Variants in GRK3 observed in about 807,000 individuals in gnomAD.
The protein encoded by GRK3 is adrenergic, beta, receptor kinase 2.
A neutral mutation model predicts 95.7 loss-of-function variants in GRK3; 54 were observed. That is an observed-to-expected ratio of 0.56 (90% CI 0.45 to 0.71). The LOEUF is 0.71. Among genes scored for constraint, GRK3 ranks in the 30% least tolerant of loss-of-function variants. The pLI, the probability that GRK3 is intolerant of heterozygous loss-of-function variation, is 0.00. For synonymous variants in GRK3, 281 were observed against 290.8 expected (o/e 0.97, Z 0.34); for missense variants, 649 against 851.2 (o/e 0.76, Z 2.96).
chr22:25,572,015 G>A (rs879273278), intron 1 of GRK3, among the ~76,000 whole-genome samples: 2 of 66,528 alleles, frequency 3.0e-5, no homozygotes, highest in East Asian at 4.7e-4. Flanking sequence ...CCTTCCCCCC[G>A]CCCCATGATA....
chr22:25,590,053 T>G (rs1224172298), intron 1 of GRK3, among the ~76,000 whole-genome samples: 1 of 152,176 alleles, frequency 6.6e-6, no homozygotes. Flanking sequence ...CAAGATGAGA[T>G]TTGGATGGGG....
At chr22:25,681,433 A>G (rs2085073252) in intron 9 of GRK3, among the ~76,000 whole-genome samples, 1 of 151,694 alleles carries the variant, frequency 6.6e-6, no homozygotes, top group Admixed American at 6.6e-5. Context: ...GAGCCAGTGC[A>G]CGTGGCTCCT....
intron 1 of GRK3, among the ~76,000 whole-genome samples, chr22:25,596,230 G>A (rs2084371644): frequency 6.6e-6 from 1 of 152,138 alleles, no homozygotes. Context: ...GTCGTGGGTA[G>A]GTAGGTGAAA....
chr22:25,657,909 C>A (rs1174355983), intron 3 of GRK3, among the ~76,000 whole-genome samples: 1 of 152,040 alleles, frequency 6.6e-6, no homozygotes, highest in Non-Finnish European at 1.5e-5. Flanking sequence ...AGATTGGATA[C>A]TTCCTGTGGA....
chr22:25,623,425 C>T (rs1369176336), intron 2 of GRK3, among the ~76,000 whole-genome samples: 3 of 152,208 alleles, frequency 2.0e-5, no homozygotes, highest in Non-Finnish European at 4.4e-5. Flanking sequence ...GCATCTGTCC[C>T]TTCCCACAAG....
chr22:25,593,393 C>A (rs1932566449), intron 1 of GRK3, among the ~76,000 whole-genome samples: 1 of 151,750 alleles, frequency 6.6e-6, no homozygotes, highest in Non-Finnish European at 1.5e-5. Context: ...TAAATAATAG[C>A]CATTTGCCTG....
chr22:25,685,102 G>A (rs2085102585), intron 9 of GRK3, 68 bp from the exon 10 acceptor site: 2 of 969,178 alleles, frequency 2.1e-6, no homozygotes, highest in South Asian at 2.7e-5. Context: ...GTAGCATGGT[G>A]TTTGGTGGTA....
At chr22:25,600,800 C>T (rs908011443) in intron 1 of GRK3, among the ~76,000 whole-genome samples, 7 of 151,978 alleles carry the variant, frequency 4.6e-5, no homozygotes, top group Admixed American at 6.6e-5. Flanking sequence ...AGATATAAAT[C>T]CTTAAAGGTA....
intron 1 of GRK3, among the ~76,000 whole-genome samples, chr22:25,587,145 C>A (rs546520391): frequency 6.6e-6 from 1 of 152,166 alleles, no homozygotes; most frequent in Non-Finnish European, 1.5e-5. Flanking sequence ...CCTGCCTCAG[C>A]CTCCCAAAGT....
intron 20 of GRK3, among the ~76,000 whole-genome samples, chr22:25,721,936 A>G (rs146286177): frequency 4.7e-4 from 71 of 152,346 alleles, no homozygotes; most frequent in African/African-American, 1.7e-3. Flanking sequence ...ATACATGAAT[A>G]TATATTTAAA....
intron 11 of GRK3, among the ~76,000 whole-genome samples, chr22:25,688,864 AG>A (rs766963861): frequency 1.1e-4 from 17 of 152,264 alleles, no homozygotes; most frequent in Non-Finnish European, 2.4e-4. Context: ...AATTGTAATA[AG>A]AAAAATGATG....
At chr22:25,650,918 A>G (rs1481236592) in intron 3 of GRK3, among the ~76,000 whole-genome samples, 1 of 152,116 alleles carries the variant, frequency 6.6e-6, no homozygotes, top group Non-Finnish European at 1.5e-5. Context: ...AATGGTGGTC[A>G]TTTTTTCCCC....
At chr22:25,577,647 T>C (rs1295036185) in intron 1 of GRK3, among the ~76,000 whole-genome samples, 1 of 152,226 alleles carries the variant, frequency 6.6e-6, no homozygotes, top group Non-Finnish European at 1.5e-5. Context: ...ACTTATGGCT[T>C]TTGCCTTCTT....
chr22:25,701,897 T>A (rs888741305), intron 13 of GRK3, among the ~76,000 whole-genome samples: 1 of 152,260 alleles, frequency 6.6e-6, no homozygotes, highest in African/African-American at 2.4e-5. Flanking sequence ...CTGTGCATTT[T>A]GTATAAAAGA....
At chr22:25,720,443 C>G (rs887173517) in intron 19 of GRK3, among the ~76,000 whole-genome samples, 2 of 146,354 alleles carry the variant, frequency 1.4e-5, no homozygotes, top group Non-Finnish European at 3.0e-5. Context: ...CTATAGCATT[C>G]ACTTTAAGGA....
chr22:25,612,850 TAAA>T (rs529309150), intron 2 of GRK3, among the ~76,000 whole-genome samples: 22 of 136,124 alleles, frequency 1.6e-4, no homozygotes, highest in African/African-American at 5.2e-4. Flanking sequence ...CTCTAAAAGT[TAAA>T]AAAAAAAAAA....
chr22:25,653,895 G>T (rs2084851795), intron 3 of GRK3, among the ~76,000 whole-genome samples: 2 of 152,012 alleles, frequency 1.3e-5, no homozygotes, highest in African/African-American at 4.8e-5. Context: ...CACCATGTTG[G>T]CCAGCCTGGT....
intron 3 of GRK3, among the ~76,000 whole-genome samples, chr22:25,660,643 G>A (rs183309914): frequency 6.6e-6 from 1 of 152,268 alleles, no homozygotes; most frequent in East Asian, 1.9e-4. Context: ...AGCTGTGAAA[G>A]CCGTACTATA....
At chr22:25,599,314 CA>C (rs1197780905) in intron 1 of GRK3, among the ~76,000 whole-genome samples, 2 of 152,002 alleles carry the variant, frequency 1.3e-5, no homozygotes, top group Non-Finnish European at 2.9e-5. Flanking sequence ...ACATATATGC[CA>C]GGTGCAGTGG....
Sources: allele counts gnomAD v4.1 joint callset (sites outside exome capture counted in the v4.1 genomes callset), GRCh38; gene constraint gnomAD v4.1.1; transcripts MANE v1.5; gene names NCBI Gene and HGNC (gene_info 2026-07-23, HGNC 2026-07-21).